COL21A1: variants seen among roughly 807,000 people sequenced by gnomAD.
COL21A1 encodes the protein collagen type XXI alpha 1 chain, also known as collagen alpha-1(XXI) chain.
In COL21A1, 149 loss-of-function variants were observed where a neutral mutation model predicts 137.9. The observed-to-expected ratio is 1.08, with a 90% confidence interval of 0.95 to 1.24. The LOEUF (loss-of-function observed/expected upper bound fraction) is 1.24, where lower values mean the gene tolerates loss of function less well. Ranked by LOEUF, COL21A1 falls within the 50% of genes most tolerant of loss-of-function variation. The pLI is 0.00. For missense variants in COL21A1, 1,167 were observed against 1,158.4 expected, an observed-to-expected ratio of 1.01 and a Z score of -0.11; for synonymous variants, 456 against 391.5, an observed-to-expected ratio of 1.16 and a Z score of -1.95.
At chr6:56,083,397 C>A (rs1428043006) in intron 17 of COL21A1, among the ~76,000 whole-genome samples, 1 of 151,910 alleles carries the variant, frequency 6.6e-6, no homozygotes, top group African/African-American at 2.4e-5. Flanking sequence ...TCAGTCACAT[C>A]TTTTTGCCCC....
intron 12 of COL21A1, among the ~76,000 whole-genome samples, chr6:56,134,668 A>G (rs988710009): frequency 3.3e-5 from 5 of 152,190 alleles, no homozygotes; most frequent in African/African-American, 9.7e-5. Flanking sequence ...TGTGGGAGGA[A>G]CCCAACGGGA....
At chr6:56,315,776 C>T (rs1582775468) in intron 1 of COL21A1, among the ~76,000 whole-genome samples, 3 of 150,580 alleles carry the variant, frequency 2.0e-5, no homozygotes, top group African/African-American at 4.9e-5. Flanking sequence ...CTTCTCTATT[C>T]CCCATGAAAA....
chr6:56,086,226 C>T (rs1768229701), intron 17 of COL21A1, among the ~76,000 whole-genome samples: 1 of 151,988 alleles, frequency 6.6e-6, no homozygotes, highest in Non-Finnish European at 1.5e-5. Flanking sequence ...ATGTGCTTAT[C>T]TTTAATGGAT....
intron 1 of COL21A1, among the ~76,000 whole-genome samples, chr6:56,267,578 C>T (rs796935145): frequency 5.9e-5 from 9 of 151,736 alleles, no homozygotes; most frequent in African/African-American, 1.2e-4. Flanking sequence ...GCCAACATGG[C>T]GAAAACCCAT....
intron 1 of COL21A1, among the ~76,000 whole-genome samples, chr6:56,289,259 G>A (rs4455670): frequency 2.6e-5 from 4 of 152,050 alleles, no homozygotes; most frequent in Admixed American, 6.5e-5. Flanking sequence ...CGATAAACAT[G>A]TCAGCTTTCT....
intron 5 of COL21A1, among the ~76,000 whole-genome samples, chr6:56,168,682 A>G (rs1188266742): frequency 6.6e-6 from 1 of 152,004 alleles, no homozygotes; most frequent in Non-Finnish European, 1.5e-5. Flanking sequence ...AACTTCTGGA[A>G]TTCAAACAAT....
intron 1 of COL21A1, among the ~76,000 whole-genome samples, chr6:56,264,368 T>C (rs1280052370): frequency 6.6e-6 from 1 of 152,192 alleles, no homozygotes; most frequent in African/African-American, 2.4e-5. Context: ...AAGCATCTTG[T>C]CCACCTTGGA....
intron 17 of COL21A1, among the ~76,000 whole-genome samples, chr6:56,098,557 AAATATATAAAT>A (rs1769980772): frequency 3.5e-5 from 1 of 28,716 alleles, no homozygotes; most frequent in Non-Finnish European, 6.1e-5. Context: ...AAATATATAT[AAATATATAAAT>A]ATATATAAAT....
chr6:56,091,470 A>G (rs886695114), intron 17 of COL21A1: 1 of 152,614 alleles, frequency 6.6e-6, no homozygotes, highest in African/African-American at 2.4e-5. Flanking sequence ...TGCTAAGGCC[A>G]TCCTTCATTA....
intron 1 of COL21A1, among the ~76,000 whole-genome samples, chr6:56,284,674 C>A (rs1207171981): frequency 6.6e-6 from 1 of 152,188 alleles, no homozygotes; most frequent in African/African-American, 2.4e-5. Flanking sequence ...CCTTACCATT[C>A]TTTCTTAGCT....
At chr6:56,197,894 T>C (rs1406311551) in intron 1 of COL21A1, among the ~76,000 whole-genome samples, 1 of 152,098 alleles carries the variant, frequency 6.6e-6, no homozygotes, top group Non-Finnish European at 1.5e-5. Context: ...CAAAGAGGTA[T>C]CTATAGTCCC....
At chr6:56,306,619 G>A (rs1167398107) in intron 1 of COL21A1, among the ~76,000 whole-genome samples, 1 of 152,002 alleles carries the variant, frequency 6.6e-6, no homozygotes, top group Non-Finnish European at 1.5e-5. Context: ...GATTATTCTA[G>A]TTAGCCATTT....
chr6:56,189,069 G>T (rs1778490274), intron 1 of COL21A1, among the ~76,000 whole-genome samples: 1 of 152,040 alleles, frequency 6.6e-6, no homozygotes, highest in Non-Finnish European at 1.5e-5. Flanking sequence ...TCCTCCAAAG[G>T]ATCACAACTC....
intron 1 of COL21A1, among the ~76,000 whole-genome samples, chr6:56,212,199 A>C (rs1582654099): frequency 6.6e-6 from 1 of 151,986 alleles, no homozygotes; most frequent in Non-Finnish European, 1.5e-5. Flanking sequence ...GCCTTGTATA[A>C]TTGATTTGTA....
At chr6:56,089,941 A>C (rs1455249335) in intron 17 of COL21A1, among the ~76,000 whole-genome samples, 1 of 152,180 alleles carries the variant, frequency 6.6e-6, no homozygotes, top group African/African-American at 2.4e-5. Flanking sequence ...TTACAATAAC[A>C]ATAATTTAAA....
At chr6:56,103,686 T>C (rs1770641062) in intron 16 of COL21A1, among the ~76,000 whole-genome samples, 3 of 152,182 alleles carry the variant, frequency 2.0e-5, no homozygotes, top group Non-Finnish European at 4.4e-5. Context: ...ATTTAACTTA[T>C]TATGTTCTTC....
At chr6:56,239,801 T>C (rs955279382) in intron 1 of COL21A1, among the ~76,000 whole-genome samples, 1 of 152,170 alleles carries the variant, frequency 6.6e-6, no homozygotes, top group African/African-American at 2.4e-5. Flanking sequence ...TGTGATTGTA[T>C]TAAGCGGTGA....
chr6:56,356,480 A>AT (rs749456247), intron 1 of COL21A1, among the ~76,000 whole-genome samples: 2 of 152,218 alleles, frequency 1.3e-5, no homozygotes, highest in Non-Finnish European at 2.9e-5. Flanking sequence ...ATGTCTTCAC[A>AT]TTAAAAACAG....
In COL21A1 at chr6:56,182,604, A is replaced by C. The variant is rs948082801; in HGVS notation, c.15T>G (p.Ile5Met). 3.1e-6 allele frequency: 5 copies of C among 1,602,222 alleles called. No individual in the cohort carries two copies. Among genetic ancestry groups the C allele is most frequent in the Non-Finnish European group, 3.4e-6 (4 of 1,173,230 alleles). Residue 5 changes from isoleucine to methionine, a missense_variant, in exon 2 of 30, where the codon ATT (isoleucine) becomes ATG (methionine). Transcript: ENST00000244728. ...GCACCAAAACCATGCAGAGAAATGT[A>C]ATATAGTGAGCCATGTTTCTGTTTT... MAHY[I>M]TFLCMVLVLL...
Sources: gnomAD v4.1 joint callset for allele counts (sites outside exome capture counted in the v4.1 genomes callset) on GRCh38, gnomAD v4.1.1 for gene constraint, MANE v1.5 for transcripts, NCBI Gene and HGNC (gene_info 2026-07-23, HGNC 2026-07-21) for gene names.